The following ZDHHC23 variants were observed in gnomAD, a reference collection of about 807,000 sequenced individuals.
ZDHHC23 encodes zDHHC palmitoyltransferase 23.
ZDHHC23 carries 41 observed loss-of-function variants against 40.2 expected under a neutral mutation model. The observed-to-expected ratio is 1.02, with a 90% CI of 0.79 to 1.32. The LOEUF (loss-of-function observed/expected upper bound fraction) is 1.32. Ranked by LOEUF, ZDHHC23 falls within the 40% of genes most tolerant of loss-of-function variation. ZDHHC23 has a pLI of 0.00. For missense variants in ZDHHC23, 471 were observed against 541.5 expected, an observed-to-expected ratio of 0.87 and a Z score of 1.29; for synonymous variants, 204 against 210.2, an observed-to-expected ratio of 0.97 and a Z score of 0.26.
the ZDHHC23 span, among the ~76,000 whole-genome samples, chr3:113,977,184 C>G: frequency 6.6e-6 from 1 of 152,156 alleles, no homozygotes; most frequent in Non-Finnish European, 1.5e-5. Flanking sequence ...GTAATCCTAG[C>G]TACTTGGCGG....
downstream of ZDHHC23, chr3:113,965,242 T>A (rs1332775914): frequency 6.2e-7 from 1 of 1,612,008 alleles, no homozygotes; most frequent in Non-Finnish European, 8.5e-7. Context: ...CCTGGAAGTC[T>A]GGAAGAATTT....
the ZDHHC23 span, chr3:113,978,114 T>C: frequency 1.9e-6 from 3 of 1,547,284 alleles, no homozygotes; most frequent in Non-Finnish European, 2.7e-6. Context: ...GCAGACACAT[T>C]GTAGGAGCAG....
At chr3:113,954,550 G>A in intron 3 of ZDHHC23, 140 bp downstream of exon 3, 1 of 781,604 alleles carries the variant, frequency 1.3e-6, no homozygotes, top group Non-Finnish European at 1.9e-6. Flanking sequence ...TTGTTGTGAT[G>A]TTCCCACTTA....
Position 113,959,946 on chromosome 3 carries a change from G to T in ZDHHC23, c.*1316G>T. The T allele has an allele frequency of 7.0e-6, 7 of 994,698 alleles. No homozygotes were observed. Among genetic ancestry groups the T allele is most frequent in the Non-Finnish European group, 8.4e-6 (7 of 833,080 alleles). The allele number at this position is 994,698 out of a possible 1,614,324, so 61.6% of individuals were successfully genotyped here. Reference sequence around the variant, plus strand: ...AAAGATTAAATATTTATGTACAATGGGTTGTTCTACTATAGAATTAAGATG... The same window carrying T: ...AAAGATTAAATATTTATGTACAATGTGTTGTTCTACTATAGAATTAAGATG... On this transcript the variant is annotated 3_prime_UTR_variant, in exon 5 of 5. Transcript: ENST00000638807.
chr3:113,949,383 C>T (rs1938447708), intron 2 of ZDHHC23, among the ~76,000 whole-genome samples: 1 of 152,128 alleles, frequency 6.6e-6, no homozygotes, highest in Non-Finnish European at 1.5e-5. Flanking sequence ...CACAGAGGGC[C>T]TTGTGGGTTG....
rs750797334 is a variant in ZDHHC23 at position 113,953,707 on chromosome 3, A to C, written c.169A>C (p.Thr57Pro). 6.2e-7 allele frequency: 1 copy of C among 1,611,728 alleles called. No homozygotes were observed. Residue 57 changes from threonine to proline, a missense_variant, in exon 3 of 5, where the codon ACA becomes CCA. Physicochemically the swap from Thr to Pro is conservative, Grantham distance 38. Around this residue, in one of 3 missense-constraint regions of ZDHHC23, gnomAD observed 83 missense variants for 67.8 expected, o/e 1.22. Transcript: ENST00000638807. The part of the protein sequence containing the change: ...DLDEGCDRWI[T>P]CKSLQPETCE... The stretch of plus-strand genomic sequence containing the variant: ...TGTGCTTTTTCTGAATAGATGGATT[A>C]CATGTAAATCTTTACAGCCAGAGAC...
the ZDHHC23 span, chr3:113,979,062 A>G: frequency 1.3e-5 from 19 of 1,515,552 alleles, no homozygotes; most frequent in Non-Finnish European, 1.7e-5. Flanking sequence ...TAAATCATTT[A>G]AACAAACACA....
the ZDHHC23 span, among the ~76,000 whole-genome samples, chr3:113,973,703 C>T: frequency 6.6e-6 from 1 of 151,586 alleles, no homozygotes; most frequent in African/African-American, 2.4e-5. Flanking sequence ...ATTGGAGCTT[C>T]ATTATATGTT....
intron 2 of ZDHHC23, among the ~76,000 whole-genome samples, chr3:113,950,146 G>T (rs1938523684): frequency 6.6e-6 from 1 of 152,104 alleles, no homozygotes; most frequent in Non-Finnish European, 1.5e-5. Context: ...TTTCCACCGT[G>T]CCTGCTGCTC....
chr3:113,952,772 G>A (rs1041000064), intron 2 of ZDHHC23, among the ~76,000 whole-genome samples: 3 of 152,186 alleles, frequency 2.0e-5, no homozygotes, highest in Non-Finnish European at 4.4e-5. Flanking sequence ...TGTCTGGTGA[G>A]GTCTCCTCAG....
rs1939636958 is a variant in ZDHHC23 at position 113,960,899 on chromosome 3, C to A, written c.*2269C>A. 3 of 1,098,810 alleles carry A rather than the reference C, an allele frequency of 2.7e-6. No individual in the cohort carries two copies. Among genetic ancestry groups the A allele is most frequent in the Non-Finnish European group, 3.7e-6 (3 of 809,232 alleles). 68.1% of individuals were successfully genotyped at this position (1,098,810 alleles called of 1,614,324 possible). A position where few individuals can be genotyped will look rare whatever the true frequency, so the allele number is the denominator to read the frequency against. The stretch of plus-strand genomic sequence containing the variant: ...TGATCTTGTGTGGGAAAAGCCTTCC[C>A]AGGCGTCTGTACCGAAAGGAGCAGC... On this transcript the variant is annotated 3_prime_UTR_variant, in exon 5 of 5. Coordinates refer to ENST00000638807, the MANE Select transcript of ZDHHC23 (RefSeq NM_001320466.2).
the ZDHHC23 span, among the ~76,000 whole-genome samples, chr3:113,977,657 T>C: frequency 6.6e-6 from 1 of 152,304 alleles, no homozygotes; most frequent in African/African-American, 2.4e-5. Flanking sequence ...ATGTTCATTG[T>C]AAATGTCAGG....
At chr3:113,955,256 G>A (rs1939067880) in intron 3 of ZDHHC23, among the ~76,000 whole-genome samples, 1 of 152,166 alleles carries the variant, frequency 6.6e-6, no homozygotes, top group Non-Finnish European at 1.5e-5. Context: ...TGGGCCTCAA[G>A]TGCATGGCTC....
In ZDHHC23 at chr3:113,960,943, T is replaced by G; in HGVS notation, c.*2313T>G. The G allele has an allele frequency of 1.6e-6, 1 of 625,644 alleles. No homozygotes were observed. Among genetic ancestry groups the G allele is most frequent in the Non-Finnish European group, 2.5e-6 (1 of 395,146 alleles). 38.8% of individuals were successfully genotyped at this position (625,644 alleles called of 1,614,324 possible). On this transcript the variant is annotated 3_prime_UTR_variant, in exon 5 of 5. Coordinates refer to ENST00000638807, the MANE Select transcript of ZDHHC23 (RefSeq NM_001320466.2). Reference sequence around the variant, plus strand: ...GAGCAGCAAACAAGGGGCTAATCCATGAGCAGTGTTCTGTAGGCTCTGTGA... The same window carrying G: ...GAGCAGCAAACAAGGGGCTAATCCAGGAGCAGTGTTCTGTAGGCTCTGTGA...
chr3:113,959,037 TC>T lies in ZDHHC23; in HGVS notation c.*408del. The stretch of plus-strand genomic sequence containing the variant: ...TGAGTCACTTTCCCAAGTCTCAGGG[TC>T]ATCTGCAAAGTGGGGTACTGATGCC... On this transcript the variant is annotated 3_prime_UTR_variant, in exon 5 of 5. Transcript: ENST00000638807. 1 of 1,058,184 alleles carries T rather than the reference TC, an allele frequency of 9.5e-7. No individual in the cohort carries two copies. The highest frequency in any genetic ancestry group is 1.7e-5 in the South Asian group (1 of 57,680). The allele number at this position is 1,058,184 out of a possible 1,614,324, so 65.5% of individuals were successfully genotyped here. A position where few individuals can be genotyped will look rare whatever the true frequency, so the allele number is the denominator to read the frequency against.
Position 113,959,354 on chromosome 3 carries a change from A to T in ZDHHC23, c.*724A>T. ...GATGCTAAGTTGTCTCATCTTGAAAAGACAGTTGACAACAGTTATAAAGAT... is the reference window on the plus strand; with the variant it reads ...GATGCTAAGTTGTCTCATCTTGAAATGACAGTTGACAACAGTTATAAAGAT... On this transcript the variant is annotated 3_prime_UTR_variant, in exon 5 of 5. Coordinates refer to ENST00000638807, the MANE Select transcript of ZDHHC23 (RefSeq NM_001320466.2). The T allele has an allele frequency of 9.0e-7, 1 of 1,111,520 alleles. No homozygotes were observed. Among genetic ancestry groups the T allele is most frequent in the Non-Finnish European group, 1.1e-6 (1 of 890,284 alleles). The allele number at this position is 1,111,520 out of a possible 1,614,324, so 68.9% of individuals were successfully genotyped here.
chr3:113,953,166 G>A (rs982995810), intron 2 of ZDHHC23, among the ~76,000 whole-genome samples: 3 of 150,364 alleles, frequency 2.0e-5, no homozygotes, highest in Admixed American at 6.6e-5. Flanking sequence ...CTTTCCACTG[G>A]AAGGCCTTCC....
At chr3:113,952,563 T>TA (rs1313455387) in intron 2 of ZDHHC23, among the ~76,000 whole-genome samples, 2 of 152,230 alleles carry the variant, frequency 1.3e-5, no homozygotes, top group Non-Finnish European at 2.9e-5. Context: ...CTCTACCCGT[T>TA]ACCCGGTTCC....
At position 113,960,353 on chromosome 3, in the gene ZDHHC23, A is replaced by G. The variant is rs1295034178; in HGVS notation, c.*1723A>G. On this transcript the variant is annotated 3_prime_UTR_variant, in exon 5 of 5. Transcript: ENST00000638807. ...GATGTTAGCAGACTCTGGGGTTTGT[A>G]CAGTGATGCCTTCTCCCTGGCCCAG... is the stretch of plus-strand genomic sequence containing the variant. The G allele has an allele frequency of 8.9e-7, 1 of 1,123,830 alleles. No homozygotes were observed. Among genetic ancestry groups the G allele is most frequent in the African/African-American group, 1.7e-5 (1 of 59,262 alleles). 69.6% of individuals were successfully genotyped at this position (1,123,830 alleles called of 1,614,324 possible).
Sources: gnomAD v4.1 joint callset for allele counts (sites outside exome capture counted in the v4.1 genomes callset) on GRCh38, gnomAD v4.1.1 for gene constraint, gnomAD v4.1.1 regional missense constraint, MANE v1.5 for transcripts, NCBI Gene and HGNC (gene_info 2026-07-23, HGNC 2026-07-21) for gene names.